Variants in COMMD1 observed in about 807,000 individuals in gnomAD.
The protein encoded by COMMD1 is copper metabolism domain containing 1.
In COMMD1, 10 loss-of-function variants were observed where a neutral mutation model predicts 17.2. The observed-to-expected ratio is 0.58, with a 90% CI of 0.36 to 0.99. The LOEUF (loss-of-function observed/expected upper bound fraction) is 0.99, where lower values mean the gene tolerates loss of function less well. Among genes scored for constraint, COMMD1 ranks in the 50% least tolerant of loss-of-function variants. COMMD1 has a pLI of 0.01. For synonymous variants in COMMD1, 97 were observed against 91.6 expected (o/e 1.06, Z -0.34); for missense variants, 270 against 231.8 (o/e 1.17, Z -1.07).
intron 2 of COMMD1, among the ~76,000 whole-genome samples, chr2:62,003,155 C>T (rs1380281389): frequency 6.6e-6 from 1 of 151,914 alleles, no homozygotes; most frequent in African/African-American, 2.4e-5. Flanking sequence ...ATCACTTGAA[C>T]CTGGGAGGCA....
intron 1 of COMMD1, among the ~76,000 whole-genome samples, chr2:61,966,395 CT>C (rs568748072): frequency 1.2e-4 from 19 of 152,022 alleles, no homozygotes; most frequent in Admixed American, 3.3e-4. Flanking sequence ...AAATAAATTT[CT>C]TTTTTTTAAA....
chr2:62,037,455 A>G (rs1214087084), intron 2 of COMMD1, among the ~76,000 whole-genome samples: 1 of 152,224 alleles, frequency 6.6e-6, no homozygotes, highest in Non-Finnish European at 1.5e-5. Flanking sequence ...TGTATGGGAT[A>G]TAACTTTTAT....
At chr2:61,902,363 A>G (rs1669674635), upstream of COMMD1, among the ~76,000 whole-genome samples, 1 of 151,464 alleles carries the variant, frequency 6.6e-6, no homozygotes. Context: ...AAAATTAGCC[A>G]GGTGTGGTGG....
intron 2 of COMMD1, among the ~76,000 whole-genome samples, chr2:62,072,923 C>T (rs1558587067): frequency 6.6e-6 from 1 of 152,234 alleles, no homozygotes; most frequent in Non-Finnish European, 1.5e-5. Context: ...CACCCCTTGC[C>T]ACTCCATGTC....
upstream of COMMD1, among the ~76,000 whole-genome samples, chr2:61,904,499 A>G (rs1423156329): frequency 2.0e-5 from 3 of 152,202 alleles, no homozygotes; most frequent in South Asian, 6.2e-4. Context: ...GGAGTCACCA[A>G]TACCACACAC....
intron 1 of COMMD1, among the ~76,000 whole-genome samples, chr2:61,953,636 C>G (rs1427655569): frequency 6.6e-6 from 1 of 152,038 alleles, no homozygotes; most frequent in Non-Finnish European, 1.5e-5. Flanking sequence ...TCCCAAAGTG[C>G]TAGGATTACA....
At chr2:61,997,606 G>A (rs1018258083) in intron 1 of COMMD1, among the ~76,000 whole-genome samples, 1 of 152,164 alleles carries the variant, frequency 6.6e-6, no homozygotes, top group Non-Finnish European at 1.5e-5. Flanking sequence ...ATTCAGCTGA[G>A]TATTTTAAAT....
chr2:61,923,016 A>T (rs557278401), intron 1 of COMMD1, among the ~76,000 whole-genome samples: 1 of 152,328 alleles, frequency 6.6e-6, no homozygotes, highest in Admixed American at 6.5e-5. Flanking sequence ...GGTAATGTGG[A>T]AGGCAGCAAA....
rs192011231 is a variant in COMMD1, at chr2:61,990,282, A to G, written c.181-10419A>G. ...GACTGTGATTTGCCTTGTAAGCCAT[A>G]TTGAAGACTTAGAATTTAAATCTAG... On this transcript the variant is annotated intron_variant, in intron 1 of 2. Coordinates refer to ENST00000311832, the MANE Select transcript of COMMD1 (RefSeq NM_152516.4). Among the ~76,000 whole-genome samples the G allele has an allele frequency of 3.3e-5, 5 of 152,378 alleles. No individual in the cohort carries two copies. The East Asian group carries it at 9.6e-4, about 29-fold the overall frequency.
intron 2 of COMMD1, among the ~76,000 whole-genome samples, chr2:62,050,081 A>G (rs1328934646): frequency 6.6e-6 from 1 of 152,178 alleles, no homozygotes; most frequent in Non-Finnish European, 1.5e-5. Flanking sequence ...TAACATGCAG[A>G]TGAAACACCT....
chr2:62,008,132 G>T lies in COMMD1; in HGVS notation c.462+7150G>T, dbSNP rs536410657. ...CGAGGCTGCAGTGAGCTGTGATTGC[G>T]CCACTACCCTCCAGCCTGGGTGACA... On this transcript the variant is annotated intron_variant, in intron 2 of 2. Transcript: ENST00000311832. Among the ~76,000 whole-genome samples the T allele has an allele frequency of 1.6e-3, 239 of 152,228 alleles. 1 individual carries two copies. Among genetic ancestry groups the T allele is most frequent in the South Asian group, 0.012 (56 of 4,826 alleles).
chr2:62,043,830 C>T (rs748488664), intron 2 of COMMD1, among the ~76,000 whole-genome samples: 18 of 152,084 alleles, frequency 1.2e-4, no homozygotes, highest in Admixed American at 9.8e-4. Context: ...CTGAATTTAT[C>T]GTGCTGGTGT....
intron 2 of COMMD1, among the ~76,000 whole-genome samples, chr2:62,013,700 A>G (rs1273192438): frequency 6.6e-6 from 1 of 152,192 alleles, no homozygotes. Context: ...AGGGATGTAG[A>G]GAATGAGAGA....
chr2:61,959,143 C>T (rs1021174236), intron 1 of COMMD1, among the ~76,000 whole-genome samples: 2 of 152,076 alleles, frequency 1.3e-5, no homozygotes, highest in East Asian at 1.9e-4. Context: ...TTACTGTTTA[C>T]GATGGTTTCA....
At chr2:62,043,850 G>A (rs1670302855) in intron 2 of COMMD1, among the ~76,000 whole-genome samples, 1 of 152,172 alleles carries the variant, frequency 6.6e-6, no homozygotes, top group South Asian at 2.1e-4. Flanking sequence ...TTTTTGGTAT[G>A]TGTATTTCAT....
At chr2:62,010,110 C>A (rs1272058771) in intron 2 of COMMD1, among the ~76,000 whole-genome samples, 1 of 152,034 alleles carries the variant, frequency 6.6e-6, no homozygotes. Context: ...ACTTCTTTTT[C>A]TTAGCTAAGT....
chr2:62,041,387 A>T (rs1488246571), intron 2 of COMMD1, among the ~76,000 whole-genome samples: 1 of 152,086 alleles, frequency 6.6e-6, no homozygotes. Flanking sequence ...ATAGAAAAGT[A>T]ATCATTGAGC....
At chr2:61,993,669 A>C (rs187706341) in intron 1 of COMMD1, among the ~76,000 whole-genome samples, 2 of 152,346 alleles carry the variant, frequency 1.3e-5, no homozygotes, top group African/African-American at 2.4e-5. Context: ...TATGGTAGCT[A>C]TTCAAATATT....
chr2:61,963,189 A>G (rs554227628), intron 1 of COMMD1, among the ~76,000 whole-genome samples: 69 of 130,340 alleles, frequency 5.3e-4, no homozygotes, highest in African/African-American at 1.3e-3. Context: ...TATATATTAT[A>G]TACACACACA....
Sources: gnomAD v4.1 joint callset for allele counts (sites outside exome capture counted in the v4.1 genomes callset) on GRCh38, gnomAD v4.1.1 for gene constraint, MANE v1.5 for transcripts, NCBI Gene and HGNC (gene_info 2026-07-23, HGNC 2026-07-21) for gene names.